STIL: variants seen among roughly 807,000 people sequenced by gnomAD.
STIL encodes the protein STIL centriolar assembly protein.
STIL carries 55 observed loss-of-function variants against 110.1 expected under a neutral mutation model. The observed-to-expected ratio is 0.50, with a 90% CI of 0.40 to 0.63. The LOEUF (loss-of-function observed/expected upper bound fraction) is 0.63. Among genes scored for constraint, STIL ranks in the 20% least tolerant of loss-of-function variants. The pLI is 0.00. For synonymous variants in STIL, 481 were observed against 530.0 expected, an observed-to-expected ratio of 0.91 and a Z score of 1.27; for missense variants, 1,358 against 1,530.0, an observed-to-expected ratio of 0.89 and a Z score of 1.87.
At position 47,293,505 on chromosome 1, in the gene STIL, T is replaced by C; in HGVS notation, c.825A>G (p.Val275=). 1 of 1,613,334 alleles carries C rather than the reference T, an allele frequency of 6.2e-7. No individual in the cohort carries two copies. The highest frequency in any genetic ancestry group is 8.5e-7 in the Non-Finnish European group (1 of 1,179,548). Residue 275 remains valine, a synonymous_variant, in exon 8 of 17, where the codon GTA becomes GTG. Transcript: ENST00000371877. ...ATATGTATCGCAAACAGCAAGCCCA[T>C]ACCTGAGGACTATAGATATGTGTAA... The part of the protein sequence containing the change: ...SGITHIYSPQ[V]WACCLRYIFN...
Position 47,287,542 on chromosome 1 carries a change from A to T in STIL, c.1133+9T>A. On this transcript the variant is annotated intron_variant, in intron 10 of 16. Transcript: ENST00000371877. ...AAAACACACACATAATAACAAAAAGATCTTTTACCTCTTAATTGAAAAATT... is the reference window on the plus strand; with the variant it reads ...AAAACACACACATAATAACAAAAAGTTCTTTTACCTCTTAATTGAAAAATT... The T allele has an allele frequency of 6.3e-7, 1 of 1,583,274 alleles. No individual in the cohort carries two copies. The highest frequency in any genetic ancestry group is 1.1e-5 in the South Asian group (1 of 87,830).
rs541027571 is a variant in STIL, at chr1:47,314,113, G to A, written c.-121C>T. 2.0e-5 allele frequency: 3 copies of A among 152,290 alleles called. No individual in the cohort carries two copies. The highest frequency in any genetic ancestry group is 4.4e-5 in the Non-Finnish European group (3 of 68,062). The allele number at this position is 152,290 out of a possible 1,614,324, so 9.4% of individuals were successfully genotyped here. ...TCCAAGGAGCGCCACCGCCGACTCC[G>A]GCCCCGCCTCTGGGACGTTGGGGTC... On this transcript the variant is annotated 5_prime_UTR_variant, in exon 1 of 17. Coordinates refer to ENST00000371877, the MANE Select transcript of STIL (RefSeq NM_001048166.1).
At position 47,304,949 on chromosome 1, in the gene STIL, C is replaced by T. The variant is rs757442081; in HGVS notation, c.92G>A (p.Cys31Tyr). ...MVPFHFPPSK[C>Y]ALWNPTPTGD... is the part of the protein sequence containing the mutation. ...AGTTGGCGTTGGGTTCCAAAGTGCACATTTTGATGGAGGAAAGTGGAAAGG... is the reference window on the plus strand; with the variant it reads ...AGTTGGCGTTGGGTTCCAAAGTGCATATTTTGATGGAGGAAAGTGGAAAGG... Residue 31 changes from cysteine to tyrosine, a missense_variant, in exon 3 of 17, where the codon TGT becomes TAT. Cys to Tyr is a radical substitution (Grantham distance 194). Transcript: ENST00000371877. 1.2e-4 allele frequency: 193 copies of T among 1,613,922 alleles called. 1 individual carries two copies. The highest frequency in any genetic ancestry group is 7.2e-4 in the South Asian group (66 of 91,070).
chr1:47,270,725 T>G (rs1469091797), intron 13 of STIL, among the ~76,000 whole-genome samples: 1 of 140,168 alleles, frequency 7.1e-6, no homozygotes, highest in African/African-American at 2.6e-5. Flanking sequence ...TTGCTCAGGC[T>G]GGAGTGCAGT....
In STIL at chr1:47,262,936, T is replaced by C. The variant is rs775603466; in HGVS notation, c.2796A>G (p.Pro932=). ...CCTGGTAAATTTTCTGGTTATCTGATGGTTGATGAAGCAAGGGTTGCATTA... is the reference window on the plus strand; with the variant it reads ...CCTGGTAAATTTTCTGGTTATCTGACGGTTGATGAAGCAAGGGTTGCATTA... ...EHVMQPLLHQ[P]SDNQKIYQDL... is the part of the protein sequence containing the mutation. Residue 932 remains proline (P), a synonymous_variant, in exon 15 of 17, where the codon CCA becomes CCG. Coordinates refer to ENST00000371877, the MANE Select transcript of STIL (RefSeq NM_001048166.1). 30 of 1,614,052 alleles carry C rather than the reference T, an allele frequency of 1.9e-5. No individual in the cohort carries two copies. The highest frequency in any genetic ancestry group is 2.5e-5 in the Non-Finnish European group (29 of 1,180,030).
At chr1:47,306,639 T>A (rs1364733812) in intron 2 of STIL, among the ~76,000 whole-genome samples, 1 of 152,256 alleles carries the variant, frequency 6.6e-6, no homozygotes, top group African/African-American at 2.4e-5. Context: ...TAATAAATTC[T>A]TAATTATTTT....
intron 14 of STIL, 65 bp from the exon 15 acceptor site, chr1:47,263,181 C>T: frequency 6.8e-7 from 1 of 1,473,894 alleles, no homozygotes; most frequent in East Asian, 2.3e-5. Context: ...AATGTAGTAA[C>T]TTTAGAAAAA....
chr1:47,250,878 A>G lies in STIL; in HGVS notation c.*258T>C. On this transcript the variant is annotated 3_prime_UTR_variant, in exon 17 of 17. Coordinates refer to ENST00000371877, the MANE Select transcript of STIL (RefSeq NM_001048166.1). ...ACTTAGAGCTGGATAGTATCTGTCTACTACTTAAACTTGTAGGAATAACTG... is the reference window on the plus strand; with the variant it reads ...ACTTAGAGCTGGATAGTATCTGTCTGCTACTTAAACTTGTAGGAATAACTG... 2.2e-6 allele frequency: 1 copy of G among 456,094 alleles called. No individual in the cohort carries two copies. Among genetic ancestry groups the G allele is most frequent in the South Asian group, 3.0e-5 (1 of 32,936 alleles). 28.3% of individuals were successfully genotyped at this position (456,094 alleles called of 1,614,324 possible).
At chr1:47,273,525 A>G (rs1644901343) in intron 12 of STIL, among the ~76,000 whole-genome samples, 1 of 152,196 alleles carries the variant, frequency 6.6e-6, no homozygotes, top group East Asian at 1.9e-4. Context: ...AGCATTTACT[A>G]ATACTTTATT....
chr1:47,258,397 T>C (rs1246678199), intron 16 of STIL, among the ~76,000 whole-genome samples: 1 of 152,180 alleles, frequency 6.6e-6, no homozygotes, highest in Non-Finnish European at 1.5e-5. Flanking sequence ...TTAGGATTGC[T>C]TGAAATAACA....
chr1:47,294,929 A>AT (rs199904141), intron 7 of STIL, among the ~76,000 whole-genome samples: 3,232 of 150,840 alleles, frequency 0.021, 118 homozygotes, highest in African/African-American at 0.074. Context: ...TATATTTTTT[A>AT]TTTTTTTTTG....
intron 2 of STIL, among the ~76,000 whole-genome samples, chr1:47,309,818 A>G (rs78465180): frequency 0.029 from 4,392 of 152,280 alleles, 209 homozygotes; most frequent in African/African-American, 0.1. Context: ...ATGTGAAATT[A>G]TTCCCATCAA....
In STIL at chr1:47,301,626, T is replaced by C. The variant is rs1557769078; in HGVS notation, c.388A>G (p.Thr130Ala). 2.5e-6 allele frequency: 4 copies of C among 1,613,982 alleles called. No homozygotes were observed. The highest frequency in any genetic ancestry group is 1.7e-5 in the Admixed American group (1 of 60,002). ...ATTTCTCTTGAACAAAGTTCTTGAGTATGAACTTTGCATGGAATCAAAAAG... is the reference window on the plus strand; with the variant it reads ...ATTTCTCTTGAACAAAGTTCTTGAGCATGAACTTTGCATGGAATCAAAAAG... ...GDFLIPCKVH[T>A]QELCSREMIV... Residue 130 changes from threonine (T) to alanine (A), a missense_variant, in exon 5 of 17, where the codon ACT becomes GCT. Thr to Ala is a moderately conservative substitution (Grantham distance 58, BLOSUM62 0). Coordinates refer to ENST00000371877, the MANE Select transcript of STIL (RefSeq NM_001048166.1).
At chr1:47,307,835 C>T (rs1414559536) in intron 2 of STIL, among the ~76,000 whole-genome samples, 3 of 152,208 alleles carry the variant, frequency 2.0e-5, no homozygotes, top group Non-Finnish European at 4.4e-5. Flanking sequence ...AAAGAAAATG[C>T]GCACCTAGGG....
At chr1:47,304,779 AAAAGT>A in intron 3 of STIL, 105 bp downstream of exon 3, 4 of 885,496 alleles carry the variant, frequency 4.5e-6, no homozygotes, top group Middle Eastern at 2.2e-4. Flanking sequence ...ATTCTAAAAG[AAAAGT>A]AAAGAAAAAT....
rs903444097 is a variant in STIL, at chr1:47,311,047, C to G, written c.-43-685G>C. The stretch of plus-strand genomic sequence containing the variant: ...ATTTTTAGTAGAGACGGGGTTTCAC[C>G]ATGTTGGCCAGGATGGTCTCAATCT... On this transcript the variant is annotated intron_variant, in intron 1 of 16. Transcript: ENST00000371877. 4.0e-5 allele frequency among the ~76,000 whole-genome samples: 6 copies of G among 151,840 alleles called. 1 individual carries two copies. The South Asian group carries it at 1.2e-3, about 32-fold the overall frequency.
In STIL at chr1:47,295,907, CAT is replaced by C. The variant is rs1266043125; in HGVS notation, c.702-61_702-60del. ...AATTATGTACTTTTTACCTAAAAGACATAATCTAAATGCTGAAGCATACTTTA... is the reference window on the plus strand; with the variant it reads ...AATTATGTACTTTTTACCTAAAAGACAATCTAAATGCTGAAGCATACTTTA... On this transcript the variant is annotated intron_variant, in intron 6 of 16. Transcript: ENST00000371877. 5.6e-6 allele frequency: 7 copies of C among 1,252,476 alleles called. No individual in the cohort carries two copies. The East Asian group carries it at 1.2e-4, about 21-fold the overall frequency. 77.6% of individuals were successfully genotyped at this position (1,252,476 alleles called of 1,614,324 possible).
At chr1:47,285,006 T>G (rs1171964079) in intron 10 of STIL, among the ~76,000 whole-genome samples, 2 of 148,416 alleles carry the variant, frequency 1.3e-5, no homozygotes, top group Admixed American at 6.9e-5. Context: ...AGCCTACCTG[T>G]AGACATTTTT....
chr1:47,260,037 C>A (rs1417377888), intron 16 of STIL, among the ~76,000 whole-genome samples: 1 of 152,158 alleles, frequency 6.6e-6, no homozygotes, highest in Non-Finnish European at 1.5e-5. Flanking sequence ...AGTCATCCCA[C>A]AATATCTCTC....
Sources: allele counts gnomAD v4.1 joint callset (sites outside exome capture counted in the v4.1 genomes callset), GRCh38; gene constraint gnomAD v4.1.1; transcripts MANE v1.5; gene names NCBI Gene and HGNC (gene_info 2026-07-23, HGNC 2026-07-21).